Variants in TAOK1 observed in about 807,000 individuals in gnomAD.
TAOK1 encodes serine/threonine-protein kinase TAO1.
TAOK1 carries 21 observed loss-of-function variants against 138.3 expected under a neutral mutation model. The observed-to-expected ratio is 0.15, with a 90% CI of 0.11 to 0.22. The LOEUF is 0.22. Ranked by LOEUF, TAOK1 falls within the 10% of genes least tolerant of loss-of-function variation. The pLI is 1.00. For synonymous variants in TAOK1, 361 were observed against 398.4 expected (o/e 0.91, Z 1.12); for missense variants, 651 against 1,227.7 (o/e 0.53, Z 7.02).
chr17:29,503,654 A>C (rs1195027018), intron 13 of TAOK1, among the ~76,000 whole-genome samples: 2 of 152,120 alleles, frequency 1.3e-5, no homozygotes, highest in Non-Finnish European at 2.9e-5. Flanking sequence ...ACATTAAGAT[A>C]CCATAAGAAA....
intron 1 of TAOK1, among the ~76,000 whole-genome samples, chr17:29,439,342 A>T (rs545314624): frequency 1.3e-5 from 2 of 151,900 alleles, no homozygotes; most frequent in South Asian, 4.2e-4. Context: ...AGCTGGGATT[A>T]CAGGTGCGCG....
chr17:29,456,209 G>A (rs562808563), intron 2 of TAOK1, among the ~76,000 whole-genome samples: 1 of 150,090 alleles, frequency 6.7e-6, no homozygotes, highest in Non-Finnish European at 1.5e-5. Context: ...TAAGTTGAGT[G>A]TGGTGGTGCA....
intron 1 of TAOK1, among the ~76,000 whole-genome samples, chr17:29,434,158 C>A (rs940537376): frequency 1.3e-5 from 2 of 152,150 alleles, no homozygotes; most frequent in African/African-American, 4.8e-5. Flanking sequence ...AGAAACTTTA[C>A]CCTTTTGCTG....
At chr17:29,511,032 T>TA in intron 15 of TAOK1, 40 bp downstream of exon 15, 1 of 1,560,838 alleles carries the variant, frequency 6.4e-7, no homozygotes, top group Non-Finnish European at 8.6e-7. Context: ...ATTTTCTGCT[T>TA]ATTAATTATA....
At chr17:29,450,572 T>C (rs2153024172) in intron 1 of TAOK1, among the ~76,000 whole-genome samples, 1 of 152,264 alleles carries the variant, frequency 6.6e-6, no homozygotes, top group East Asian at 1.9e-4. Context: ...AGTGCGGTGG[T>C]GTGATCATAG....
chr17:29,478,009 A>G (rs1486065107), intron 5 of TAOK1, among the ~76,000 whole-genome samples: 1 of 152,142 alleles, frequency 6.6e-6, no homozygotes, highest in East Asian at 1.9e-4. Flanking sequence ...CTCTGTTACT[A>G]TTGTTTTTAC....
chr17:29,550,863 C>T lies in TAOK1; in HGVS notation c.*7841C>T, dbSNP rs555674147. 1 of 152,436 alleles carries T rather than the reference C, an allele frequency of 6.6e-6. No individual in the cohort carries two copies. Among genetic ancestry groups the T allele is most frequent in the Non-Finnish European group, 1.5e-5 (1 of 68,006 alleles). 9.4% of individuals were successfully genotyped at this position (152,436 alleles called of 1,614,324 possible). A position where few individuals can be genotyped will look rare whatever the true frequency, so the allele number is the denominator to read the frequency against. On this transcript the variant is annotated 3_prime_UTR_variant, in exon 20 of 20. Transcript: ENST00000261716. ...TTTTCTCTGGATTTTCTTCACTTCC[C>T]TCTTCCTTTCTACTAACTCCTTCCT...
At chr17:29,484,496 AT>A (rs2031127194) in intron 8 of TAOK1, among the ~76,000 whole-genome samples, 1 of 152,194 alleles carries the variant, frequency 6.6e-6, no homozygotes, top group African/African-American at 2.4e-5. Flanking sequence ...ATTTTCTAAA[AT>A]TTTATTTAAA....
chr17:29,534,732 C>T (rs959092995), intron 19 of TAOK1, among the ~76,000 whole-genome samples: 2 of 152,166 alleles, frequency 1.3e-5, no homozygotes, highest in African/African-American at 4.8e-5. Flanking sequence ...ACTCATACAT[C>T]CTTGGCCTGG....
chr17:29,542,099 G>A (rs534528961), intron 19 of TAOK1, among the ~76,000 whole-genome samples: 5 of 152,124 alleles, frequency 3.3e-5, no homozygotes, highest in South Asian at 2.1e-4. Context: ...GGATGGTCTC[G>A]ATCTCCTGAC....
Position 29,547,725 on chromosome 17 carries a change from A to C in TAOK1, c.*4703A>C, listed in dbSNP as rs909152298. On this transcript the variant is annotated 3_prime_UTR_variant, in exon 20 of 20. Coordinates refer to ENST00000261716, the MANE Select transcript of TAOK1 (RefSeq NM_020791.4). ...ATTATTGAAGAAAAACAAATTATCT[A>C]TTTTGTTTTCCCCCATCTAACATGA... 6.6e-6 allele frequency: 1 copy of C among 152,030 alleles called. No homozygotes were observed. Among genetic ancestry groups the C allele is most frequent in the Non-Finnish European group, 1.5e-5 (1 of 67,958 alleles). The allele number at this position is 152,030 out of a possible 1,614,324, so 9.4% of individuals were successfully genotyped here. A position where few individuals can be genotyped will look rare whatever the true frequency, so the allele number is the denominator to read the frequency against.
At chr17:29,516,527 A>G (rs2031819060) in intron 15 of TAOK1, among the ~76,000 whole-genome samples, 2 of 120,662 alleles carry the variant, frequency 1.7e-5, no homozygotes, top group African/African-American at 3.2e-5. Flanking sequence ...TTTGAGACTG[A>G]GTTTCGCTCT....
At chr17:29,451,823 C>G in intron 2 of TAOK1, 143 bp downstream of exon 2, 1 of 856,748 alleles carries the variant, frequency 1.2e-6, no homozygotes, top group Non-Finnish European at 1.7e-6. Context: ...AGCGCGAGAG[C>G]GAGAGCGTGG....
intron 3 of TAOK1, among the ~76,000 whole-genome samples, chr17:29,474,479 T>G (rs927726526): frequency 1.2e-4 from 18 of 152,160 alleles, no homozygotes; most frequent in Non-Finnish European, 4.4e-5. Context: ...CTTGAACACT[T>G]AGGGGTCACT....
intron 1 of TAOK1, among the ~76,000 whole-genome samples, chr17:29,449,075 C>G (rs954635686): frequency 1.3e-5 from 2 of 152,072 alleles, no homozygotes; most frequent in African/African-American, 4.8e-5. Context: ...ATGGACCCAG[C>G]TAGAAAATTT....
chr17:29,466,566 A>G (rs546016967), intron 2 of TAOK1, among the ~76,000 whole-genome samples: 2 of 152,278 alleles, frequency 1.3e-5, no homozygotes, highest in South Asian at 4.1e-4. Context: ...TCAATTTTGT[A>G]CTCTTTATGA....
At chr17:29,542,014 A>G (rs916364705) in intron 19 of TAOK1, among the ~76,000 whole-genome samples, 2 of 151,822 alleles carry the variant, frequency 1.3e-5, no homozygotes, top group Non-Finnish European at 2.9e-5. Context: ...AGCTGGGACT[A>G]CAGGGGCCCG....
intron 3 of TAOK1, among the ~76,000 whole-genome samples, chr17:29,469,208 T>TC (rs1290101882): frequency 6.8e-5 from 10 of 146,252 alleles, no homozygotes; most frequent in African/African-American, 1.3e-4. Flanking sequence ...CATAGTGAGA[T>TC]CCCCCCTCCC....
chr17:29,519,273 G>A (rs1045287561), intron 16 of TAOK1, among the ~76,000 whole-genome samples: 2 of 152,096 alleles, frequency 1.3e-5, no homozygotes, highest in African/African-American at 4.8e-5. Flanking sequence ...CACTTTGGGA[G>A]GCCAAGGCAG....
Sources: allele counts gnomAD v4.1 joint callset (sites outside exome capture counted in the v4.1 genomes callset), GRCh38; gene constraint gnomAD v4.1.1; transcripts MANE v1.5; gene names NCBI Gene and HGNC (gene_info 2026-07-23, HGNC 2026-07-21).